The following PTPRT variants were observed in gnomAD, a reference collection of about 807,000 sequenced individuals.
PTPRT encodes the protein protein tyrosine phosphatase receptor type T.
A neutral mutation model predicts 176.8 loss-of-function variants in PTPRT; 56 were observed. The observed-to-expected ratio is 0.32, with a 90% CI of 0.26 to 0.40. PTPRT has a LOEUF of 0.40. Ranked by LOEUF, PTPRT falls within the 10% of genes least tolerant of loss-of-function variation. The probability of loss-of-function intolerance (pLI) is 1.00; values close to 1 mark genes in which losing one functional copy is unlikely to be tolerated. For synonymous variants in PTPRT, 783 were observed against 739.0 expected, an observed-to-expected ratio of 1.06 and a Z score of -0.96; for missense variants, 1,540 against 1,908.2, an observed-to-expected ratio of 0.81 and a Z score of 3.60.
the PTPRT span, among the ~76,000 whole-genome samples, chr20:42,060,957 CTA>C: frequency 2.0e-5 from 3 of 152,172 alleles, no homozygotes; most frequent in African/African-American, 7.2e-5. Context: ...CACTTAACAA[CTA>C]TGTGATCTGA....
chr20:42,069,339 T>C (rs548117807), downstream of PTPRT, among the ~76,000 whole-genome samples: 2 of 152,376 alleles, frequency 1.3e-5, no homozygotes, highest in South Asian at 2.1e-4. Context: ...CTAGGCTCTA[T>C]AGCAGGAATG....
intron 1 of PTPRT, among the ~76,000 whole-genome samples, chr20:43,050,865 A>G (rs1269814777): frequency 2.6e-5 from 4 of 152,186 alleles, no homozygotes; most frequent in East Asian, 3.9e-4. Flanking sequence ...AGCTTGACCA[A>G]TCAAAGCATA....
At chr20:42,363,753 G>A (rs114928567) in intron 9 of PTPRT, among the ~76,000 whole-genome samples, 2,100 of 152,116 alleles carry the variant, frequency 0.014, 65 homozygotes, top group African/African-American at 0.049. Context: ...CCCACTTTGC[G>A]GATGAGAAAA....
intron 15 of PTPRT, among the ~76,000 whole-genome samples, chr20:42,224,936 T>C (rs1046998014): frequency 1.3e-5 from 2 of 152,198 alleles, no homozygotes; most frequent in African/African-American, 4.8e-5. Flanking sequence ...TATTTGGAAA[T>C]GGCCATGGTA....
intron 12 of PTPRT, among the ~76,000 whole-genome samples, chr20:42,305,220 A>G (rs1019818966): frequency 1.3e-5 from 2 of 151,882 alleles, no homozygotes; most frequent in African/African-American, 2.4e-5. Flanking sequence ...AGGCATGTTG[A>G]TGCATGCCTG....
intron 6 of PTPRT, among the ~76,000 whole-genome samples, chr20:42,707,147 G>A (rs1483722693): frequency 6.6e-6 from 1 of 152,180 alleles, no homozygotes; most frequent in East Asian, 1.9e-4. Context: ...AACTGTGAGT[G>A]AATAAATTTC....
chr20:42,916,713 C>T (rs1228542656), intron 1 of PTPRT, among the ~76,000 whole-genome samples: 1 of 152,158 alleles, frequency 6.6e-6, no homozygotes, highest in East Asian at 1.9e-4. Flanking sequence ...CTCTGATGGC[C>T]AGTGATGGTG....
chr20:42,865,793 G>A (rs1297380244), intron 2 of PTPRT, among the ~76,000 whole-genome samples: 1 of 152,166 alleles, frequency 6.6e-6, no homozygotes, highest in Non-Finnish European at 1.5e-5. Context: ...CTCCGCAGGG[G>A]AAAGAAGAAG....
At chr20:42,281,508 C>A (rs1224343797) in intron 13 of PTPRT, among the ~76,000 whole-genome samples, 3 of 152,066 alleles carry the variant, frequency 2.0e-5, no homozygotes, top group Non-Finnish European at 4.4e-5. Flanking sequence ...TTTTTTCTCT[C>A]TTTTTCTCCC....
At chr20:42,386,530 T>C (rs1371061398) in intron 9 of PTPRT, among the ~76,000 whole-genome samples, 1 of 152,140 alleles carries the variant, frequency 6.6e-6, no homozygotes, top group Admixed American at 6.5e-5. Flanking sequence ...AGAGGGACCT[T>C]TCATTTTTGG....
chr20:42,690,949 G>T (rs1425113221), intron 6 of PTPRT, among the ~76,000 whole-genome samples: 1 of 152,140 alleles, frequency 6.6e-6, no homozygotes, highest in Non-Finnish European at 1.5e-5. Flanking sequence ...TCTTCCCATG[G>T]CTATTAGCTT....
chr20:43,175,313 T>C (rs1439190820), intron 1 of PTPRT, among the ~76,000 whole-genome samples: 1 of 152,256 alleles, frequency 6.6e-6, no homozygotes, highest in Non-Finnish European at 1.5e-5. Context: ...TTCTGCATGA[T>C]GCAGGGGTGT....
At chr20:42,284,925 A>G (rs1341203128) in intron 12 of PTPRT, among the ~76,000 whole-genome samples, 2 of 151,832 alleles carry the variant, frequency 1.3e-5, no homozygotes, top group Non-Finnish European at 2.9e-5. Flanking sequence ...TTACATTTCA[A>G]TAACAAAGTT....
Position 42,347,433 on chromosome 20 carries a change from A to G in PTPRT, c.1865+3195T>C, listed in dbSNP as rs1442345120. ...TCCAGCCAGTCTACCGCTTCTCTCAATCACTACAGTCAATGTACCTAGTGG... is the reference window on the plus strand; with the variant it reads ...TCCAGCCAGTCTACCGCTTCTCTCAGTCACTACAGTCAATGTACCTAGTGG... On this transcript the variant is annotated intron_variant, in intron 11 of 30. Transcript: ENST00000373187. Among the ~76,000 whole-genome samples the G allele has an allele frequency of 6.6e-5, 10 of 152,012 alleles. No homozygotes were observed. In the East Asian group the frequency reaches 1.5e-3, roughly 24 times the overall value.
chr20:43,066,287 T>G (rs763495114), intron 1 of PTPRT, among the ~76,000 whole-genome samples: 10 of 152,192 alleles, frequency 6.6e-5, no homozygotes, highest in Non-Finnish European at 1.5e-4. Flanking sequence ...TGTGTCTTCA[T>G]TTGTCCCCGG....
chr20:42,504,039 A>G (rs1292077548), intron 7 of PTPRT, among the ~76,000 whole-genome samples: 1 of 151,982 alleles, frequency 6.6e-6, no homozygotes, highest in East Asian at 1.9e-4. Flanking sequence ...TTCAGCCCTT[A>G]CCAACATCAG....
chr20:42,385,132 T>C (rs1045679760), intron 9 of PTPRT, among the ~76,000 whole-genome samples: 6 of 152,226 alleles, frequency 3.9e-5, no homozygotes, highest in African/African-American at 1.4e-4. Flanking sequence ...TTTATGCTTT[T>C]AATGTTATAT....
Position 42,210,450 on chromosome 20 carries a change from T to G in PTPRT, c.2343-11062A>C, listed in dbSNP as rs576468657. The stretch of plus-strand genomic sequence containing the variant: ...AAGCTGATAAGCAACTTCAGCAAAG[T>G]CTCAGGATACAAAATCAATGTACAA... On this transcript the variant is annotated intron_variant, in intron 15 of 30. Coordinates refer to ENST00000373187, the MANE Select transcript of PTPRT (RefSeq NM_007050.6). 1.9e-3 allele frequency among the ~76,000 whole-genome samples: 292 copies of G among 152,122 alleles called. 3 individuals are homozygous for G. The highest frequency in any genetic ancestry group is 6.6e-3 in the African/African-American group (272 of 41,470).
At chr20:42,928,665 A>C (rs206637) in intron 1 of PTPRT, among the ~76,000 whole-genome samples, 13,428 of 152,152 alleles carry the variant, frequency 0.088, 1,754 homozygotes, top group African/African-American at 0.28. Context: ...GGGATGGTCA[A>C]CCAACTAAGA....
Sources: gnomAD v4.1 joint callset for allele counts (sites outside exome capture counted in the v4.1 genomes callset) on GRCh38, gnomAD v4.1.1 for gene constraint, MANE v1.5 for transcripts, NCBI Gene and HGNC (gene_info 2026-07-23, HGNC 2026-07-21) for gene names.